ZCWPW2: variants seen among roughly 807,000 people sequenced by gnomAD.
ZCWPW2 encodes zinc finger CW-type PWWP domain protein 2.
ZCWPW2 carries 45 observed loss-of-function variants against 46.6 expected under a neutral mutation model. The observed-to-expected ratio is 0.96, with a 90% CI of 0.76 to 1.24. ZCWPW2 has a LOEUF of 1.24. Among genes scored for constraint, ZCWPW2 ranks in the 50% most tolerant of loss-of-function variants. ZCWPW2 has a pLI of 0.00. For synonymous variants in ZCWPW2, 152 were observed against 137.1 expected (o/e 1.11, Z -0.76); for missense variants, 429 against 403.9 (o/e 1.06, Z -0.53).
chr3:28,515,815 A>T (rs1003325002), intron 8 of ZCWPW2, among the ~76,000 whole-genome samples, 194 bp downstream of exon 8: 1 of 149,084 alleles, frequency 6.7e-6, no homozygotes, highest in African/African-American at 2.6e-5. Flanking sequence ...GTGTATATAT[A>T]CACATATATA....
Position 28,485,516 on chromosome 3 carries a change from T to C in ZCWPW2, c.610+6585T>C, listed in dbSNP as rs374185244. On this transcript the variant is annotated intron_variant, in intron 5 of 9. Coordinates refer to ENST00000383768, the MANE Select transcript of ZCWPW2 (RefSeq NM_001040432.4). ...GCCTCTAGCTATAATAGTAGATTTA[T>C]TTATTTCTCTCTGCAGTTCCATCAG... is the stretch of plus-strand genomic sequence containing the variant. 6.6e-5 allele frequency among the ~76,000 whole-genome samples: 10 copies of C among 152,342 alleles called. No individual in the cohort carries two copies. The East Asian group carries it at 1.9e-3, about 29-fold the overall frequency.
At chr3:28,450,657 G>A (rs967096960) in intron 4 of ZCWPW2, among the ~76,000 whole-genome samples, 1 of 152,102 alleles carries the variant, frequency 6.6e-6, no homozygotes, top group African/African-American at 2.4e-5. Flanking sequence ...TCTTATCCAT[G>A]ATGTGAGTGG....
intron 4 of ZCWPW2, among the ~76,000 whole-genome samples, chr3:28,475,005 A>AT (rs1165106071): frequency 3.5e-5 from 5 of 141,708 alleles, no homozygotes; most frequent in Admixed American, 2.1e-4. Context: ...ACTTTTTATT[A>AT]TTATTTTTTT....
Position 28,426,035 on chromosome 3 carries a change from G to A in ZCWPW2, c.333-9075G>A, listed in dbSNP as rs181208198. Among the ~76,000 whole-genome samples, 6 of 152,122 alleles carry A rather than the reference G, an allele frequency of 3.9e-5. 1 individual carries two copies. The East Asian group carries it at 1.2e-3, about 29-fold the overall frequency. On this transcript the variant is annotated intron_variant, in intron 3 of 9. Coordinates refer to ENST00000383768, the MANE Select transcript of ZCWPW2 (RefSeq NM_001040432.4). The stretch of plus-strand genomic sequence containing the variant: ...GAGGCAGGAGAATTGCTTGAACCTG[G>A]GAGGCAGAGGTTGCAGTGAGCCAAG...
At chr3:28,408,419 T>C (rs1191186191) in intron 2 of ZCWPW2, among the ~76,000 whole-genome samples, 2 of 152,212 alleles carry the variant, frequency 1.3e-5, no homozygotes, top group East Asian at 3.8e-4. Context: ...TACTTCATTA[T>C]TTGCATTATT....
intron 1 of ZCWPW2, among the ~76,000 whole-genome samples, chr3:28,380,267 A>T (rs530382400): frequency 6.6e-6 from 1 of 152,022 alleles, no homozygotes; most frequent in African/African-American, 2.4e-5. Flanking sequence ...TACAGGCATG[A>T]GCCACCACGC....
intron 2 of ZCWPW2, among the ~76,000 whole-genome samples, chr3:28,408,469 T>C (rs1696253914): frequency 6.6e-6 from 1 of 152,208 alleles, no homozygotes; most frequent in African/African-American, 2.4e-5. Flanking sequence ...AGAAATTTTC[T>C]AAAGTAACTT....
rs567080226 is a variant in ZCWPW2 at position 28,441,176 on chromosome 3, A to C, written c.492+5907A>C. Reference sequence around the variant, plus strand: ...TCATCCTATCCACTTGATTTTTGAAATCCTTCTTTTCTGGCGTCACCTATT... The same window carrying C: ...TCATCCTATCCACTTGATTTTTGAACTCCTTCTTTTCTGGCGTCACCTATT... On this transcript the variant is annotated intron_variant, in intron 4 of 9. Coordinates refer to ENST00000383768, the MANE Select transcript of ZCWPW2 (RefSeq NM_001040432.4). 3.3e-5 allele frequency among the ~76,000 whole-genome samples: 5 copies of C among 152,208 alleles called. No individual in the cohort carries two copies. In the East Asian group the frequency reaches 9.7e-4, roughly 29 times the overall value.
chr3:28,473,399 C>T (rs949566782), intron 4 of ZCWPW2, among the ~76,000 whole-genome samples: 13 of 151,872 alleles, frequency 8.6e-5, no homozygotes, highest in South Asian at 2.1e-4. Context: ...TGCTTAAACC[C>T]GGGAGGCAGA....
chr3:28,511,857 T>C (rs1700434502), intron 6 of ZCWPW2, among the ~76,000 whole-genome samples: 2 of 152,328 alleles, frequency 1.3e-5, no homozygotes, highest in African/African-American at 4.8e-5. Flanking sequence ...AAGTACATTC[T>C]GTAGTAGCTC....
intron 4 of ZCWPW2, among the ~76,000 whole-genome samples, chr3:28,473,992 A>G (rs185606480): frequency 1.0e-3 from 159 of 152,290 alleles, no homozygotes; most frequent in Non-Finnish European, 4.4e-4. Context: ...AAAATGATTT[A>G]ATTTTACATT....
At chr3:28,382,535 G>T (rs937191758) in intron 1 of ZCWPW2, among the ~76,000 whole-genome samples, 1 of 152,130 alleles carries the variant, frequency 6.6e-6, no homozygotes, top group African/African-American at 2.4e-5. Context: ...TTGGAGAGGA[G>T]GGCAAACAAT....
intron 2 of ZCWPW2, among the ~76,000 whole-genome samples, chr3:28,396,789 A>G (rs190479981): frequency 6.6e-6 from 1 of 152,332 alleles, no homozygotes; most frequent in Non-Finnish European, 1.5e-5. Context: ...GTAGCCGTTT[A>G]TCTTCATTAC....
At chr3:28,350,135 T>C (rs538809697) in intron 1 of ZCWPW2, among the ~76,000 whole-genome samples, 1 of 152,184 alleles carries the variant, frequency 6.6e-6, no homozygotes, top group Non-Finnish European at 1.5e-5. Flanking sequence ...AGTCCTTAAA[T>C]TTTTTTATTG....
intron 3 of ZCWPW2, among the ~76,000 whole-genome samples, chr3:28,421,343 A>C (rs1156520999): frequency 1.3e-5 from 2 of 152,110 alleles, no homozygotes; most frequent in East Asian, 3.8e-4. Context: ...CTTCCTACTA[A>C]GCCTTTTCTG....
intron 6 of ZCWPW2, among the ~76,000 whole-genome samples, chr3:28,497,753 G>A (rs1700032739): frequency 6.6e-6 from 1 of 152,030 alleles, no homozygotes; most frequent in South Asian, 2.1e-4. Flanking sequence ...ATTTTGATTG[G>A]CATTCCTGGG....
intron 5 of ZCWPW2, among the ~76,000 whole-genome samples, chr3:28,487,463 T>C (rs761356578): frequency 2.0e-5 from 3 of 152,172 alleles, no homozygotes; most frequent in Admixed American, 1.3e-4. Flanking sequence ...TGTGAATCTT[T>C]CTTAGAATTT....
chr3:28,380,580 A>G (rs1041135186), intron 1 of ZCWPW2, among the ~76,000 whole-genome samples: 5 of 152,170 alleles, frequency 3.3e-5, no homozygotes, highest in Non-Finnish European at 7.3e-5. Flanking sequence ...TTGAAATTCA[A>G]TGGCAACTTC....
chr3:28,423,015 CTGTT>C (rs1406367807), intron 3 of ZCWPW2, among the ~76,000 whole-genome samples: 2 of 151,962 alleles, frequency 1.3e-5, no homozygotes, highest in African/African-American at 2.4e-5. Flanking sequence ...GGTAGGGTGT[CTGTT>C]CAGATATTTT....
Sources: allele counts gnomAD v4.1 joint callset (sites outside exome capture counted in the v4.1 genomes callset), GRCh38; gene constraint gnomAD v4.1.1; transcripts MANE v1.5; gene names NCBI Gene and HGNC (gene_info 2026-07-23, HGNC 2026-07-21).